TCF12: variants seen among roughly 807,000 people sequenced by gnomAD.
TCF12 encodes the protein transcription factor 12.
TCF12 carries 45 observed loss-of-function variants against 86.0 expected under a neutral mutation model. The observed-to-expected ratio is 0.52, with a 90% CI of 0.41 to 0.67. The LOEUF is 0.67. Among genes scored for constraint, TCF12 ranks in the 30% least tolerant of loss-of-function variants. The pLI is 0.00. For missense variants in TCF12, 881 were observed against 859.9 expected, an observed-to-expected ratio of 1.02 and a Z score of -0.31; for synonymous variants, 330 against 299.6, an observed-to-expected ratio of 1.10 and a Z score of -1.05.
intron 5 of TCF12, among the ~76,000 whole-genome samples, chr15:57,104,123 A>G (rs1191254230): frequency 6.6e-6 from 1 of 152,046 alleles, no homozygotes; most frequent in African/African-American, 2.4e-5. Flanking sequence ...AGATTATAAA[A>G]TCTAAAGAAT....
intron 3 of TCF12, among the ~76,000 whole-genome samples, chr15:57,016,372 A>C (rs2065154339): frequency 1.3e-5 from 2 of 152,274 alleles, no homozygotes; most frequent in South Asian, 4.1e-4. Flanking sequence ...TCAACACAGA[A>C]ACATGAGGAG....
intron 8 of TCF12, among the ~76,000 whole-genome samples, chr15:57,202,720 C>T (rs1236490306): frequency 6.7e-6 from 1 of 149,860 alleles, no homozygotes; most frequent in African/African-American, 2.5e-5. Flanking sequence ...CAGGTGTGAG[C>T]CACCACACCC....
chr15:57,110,012 A>G (rs1404811918), intron 5 of TCF12, among the ~76,000 whole-genome samples: 2 of 129,554 alleles, frequency 1.5e-5, no homozygotes, highest in Admixed American at 1.5e-4. Context: ...TGTGTAGATC[A>G]TTTAATGTCG....
chr15:57,061,259 A>G (rs1329002406), intron 3 of TCF12, among the ~76,000 whole-genome samples: 1 of 152,088 alleles, frequency 6.6e-6, no homozygotes, highest in Non-Finnish European at 1.5e-5. Flanking sequence ...TGTAACTGGC[A>G]CCCATCTTTC....
intron 3 of TCF12, among the ~76,000 whole-genome samples, chr15:56,993,676 G>A (rs1252747366): frequency 1.3e-5 from 2 of 152,186 alleles, no homozygotes; most frequent in Admixed American, 1.3e-4. Context: ...AGATGGCACA[G>A]CATAAGCCTT....
At chr15:57,192,330 G>T (rs750650021) in intron 7 of TCF12, 37 bp downstream of exon 7, 2 of 1,590,238 alleles carry the variant, frequency 1.3e-6, no homozygotes, top group East Asian at 4.6e-5. Flanking sequence ...TCCCACATAT[G>T]TTGTTGTTGT....
At chr15:57,027,910 A>G (rs549290956) in intron 3 of TCF12, among the ~76,000 whole-genome samples, 3 of 152,174 alleles carry the variant, frequency 2.0e-5, no homozygotes, top group South Asian at 2.1e-4. Context: ...ACCTTCTGCC[A>G]TGATTGTGAC....
intron 3 of TCF12, among the ~76,000 whole-genome samples, chr15:56,997,530 C>T (rs2063778635): frequency 6.6e-6 from 1 of 152,122 alleles, no homozygotes; most frequent in Non-Finnish European, 1.5e-5. Flanking sequence ...TTGTGCTCAC[C>T]ACCTGCAGGA....
intron 13 of TCF12, among the ~76,000 whole-genome samples, chr15:57,244,941 A>C (rs1435134633): frequency 6.6e-6 from 1 of 152,188 alleles, no homozygotes; most frequent in Non-Finnish European, 1.5e-5. Context: ...TATAATTTTA[A>C]AACTCGAACT....
At chr15:56,974,601 G>A (rs1311774649) in intron 3 of TCF12, among the ~76,000 whole-genome samples, 1 of 152,020 alleles carries the variant, frequency 6.6e-6, no homozygotes, top group Non-Finnish European at 1.5e-5. Context: ...GTACTTCTGT[G>A]TACTTTAGTA....
intron 6 of TCF12, among the ~76,000 whole-genome samples, chr15:57,188,876 C>G (rs958459136): frequency 2.6e-5 from 4 of 152,226 alleles, no homozygotes; most frequent in African/African-American, 9.6e-5. Context: ...CAGCCTTAAC[C>G]TCCCAGGCGC....
At chr15:57,279,328 G>T (rs1372299039) in intron 19 of TCF12, among the ~76,000 whole-genome samples, 1 of 152,160 alleles carries the variant, frequency 6.6e-6, no homozygotes, top group Non-Finnish European at 1.5e-5. Context: ...CTATAAACAT[G>T]TTGCAAAGTT....
intron 3 of TCF12, among the ~76,000 whole-genome samples, chr15:56,970,774 G>A (rs1256401832): frequency 3.9e-5 from 6 of 152,136 alleles, no homozygotes; most frequent in Non-Finnish European, 5.9e-5. Context: ...AAACAGCTGG[G>A]CGTGGTGGCT....
At chr15:57,063,350 C>T (rs1405986506) in intron 3 of TCF12, among the ~76,000 whole-genome samples, 17 of 152,264 alleles carry the variant, frequency 1.1e-4, no homozygotes, top group African/African-American at 4.1e-4. Flanking sequence ...GTTTGTCTTG[C>T]TTCATTTTCT....
intron 3 of TCF12, among the ~76,000 whole-genome samples, chr15:57,023,362 G>A (rs751828942): frequency 2.0e-4 from 30 of 152,082 alleles, no homozygotes; most frequent in South Asian, 4.1e-4. Context: ...AGTTTTAAAA[G>A]GTGAGGACAT....
At chr15:57,243,091 A>G (rs753780600) in intron 12 of TCF12, among the ~76,000 whole-genome samples, 6 of 152,204 alleles carry the variant, frequency 3.9e-5, no homozygotes, top group Non-Finnish European at 5.9e-5. Flanking sequence ...AAAAGATAGT[A>G]TTAATAGCTT....
intron 7 of TCF12, among the ~76,000 whole-genome samples, chr15:57,194,377 G>T (rs1188339005): frequency 8.6e-6 from 1 of 116,454 alleles, no homozygotes; most frequent in Non-Finnish European, 2.2e-5. Context: ...TTTGGCCAAG[G>T]CTTGAGTTGG....
chr15:56,943,211 T>C (rs1403406214), intron 3 of TCF12, among the ~76,000 whole-genome samples: 1 of 152,134 alleles, frequency 6.6e-6, no homozygotes, highest in Non-Finnish European at 1.5e-5. Context: ...AAGAGGATAA[T>C]AGGGGATCAC....
intron 4 of TCF12, among the ~76,000 whole-genome samples, chr15:57,089,479 A>G (rs756069086): frequency 1.2e-4 from 19 of 152,190 alleles, no homozygotes; most frequent in Non-Finnish European, 1.5e-4. Flanking sequence ...AAGACACTAC[A>G]TGTAATCTAA....
Sources: gnomAD v4.1 joint callset for allele counts (sites outside exome capture counted in the v4.1 genomes callset) on GRCh38, gnomAD v4.1.1 for gene constraint, MANE v1.5 for transcripts, NCBI Gene and HGNC (gene_info 2026-07-23, HGNC 2026-07-21) for gene names.